FBXO4: variants seen among roughly 807,000 people sequenced by gnomAD.
The protein encoded by FBXO4 is F-box protein 4.
A neutral mutation model predicts 43.7 loss-of-function variants in FBXO4; 36 were observed. The ratio of observed to expected loss-of-function variants is 0.82; its 90% CI spans 0.63 to 1.09. The LOEUF (loss-of-function observed/expected upper bound fraction) is 1.09. Among genes scored for constraint, FBXO4 ranks in the 50% least tolerant of loss-of-function variants. The probability of loss-of-function intolerance (pLI) is 0.00; values close to 1 mark genes in which losing one functional copy is unlikely to be tolerated. For synonymous variants in FBXO4, 180 were observed against 165.6 expected, an observed-to-expected ratio of 1.09 and a Z score of -0.67; for missense variants, 435 against 474.1, an observed-to-expected ratio of 0.92 and a Z score of 0.77.
At chr5:42,018,539 A>G in the FBXO4 span, among the ~76,000 whole-genome samples, 12 of 152,250 alleles carry the variant, frequency 7.9e-5, 1 homozygote, top group Admixed American at 7.2e-4. Context: ...GATGCCAAAA[A>G]ATTGCTTATT....
chr5:41,925,806 CT>C (rs1233299238), intron 1 of FBXO4, among the ~76,000 whole-genome samples: 2 of 152,162 alleles, frequency 1.3e-5, no homozygotes, highest in African/African-American at 4.8e-5. Context: ...CTAGGACACC[CT>C]GAATGTCCGG....
intron 1 of FBXO4, among the ~76,000 whole-genome samples, chr5:41,926,295 C>T (rs374069371): frequency 2.6e-5 from 4 of 152,148 alleles, no homozygotes; most frequent in Admixed American, 1.3e-4. Context: ...AATTTACGGC[C>T]GGGCGCGGTG....
At chr5:42,013,488 G>A in the FBXO4 span, among the ~76,000 whole-genome samples, 3 of 152,156 alleles carry the variant, frequency 2.0e-5, no homozygotes, top group Non-Finnish European at 4.4e-5. Context: ...CCACTCAGGA[G>A]AAAACCTGGA....
At chr5:42,031,769 G>A in the FBXO4 span, among the ~76,000 whole-genome samples, 2 of 151,980 alleles carry the variant, frequency 1.3e-5, no homozygotes, top group African/African-American at 4.8e-5. Flanking sequence ...TGGCATTGAA[G>A]AGGTAGATAT....
chr5:42,019,119 C>T, the FBXO4 span, among the ~76,000 whole-genome samples: 17 of 151,816 alleles, frequency 1.1e-4, no homozygotes, highest in Non-Finnish European at 2.5e-4. Flanking sequence ...GTTTAATAAC[C>T]TAAGTATATT....
the FBXO4 span, among the ~76,000 whole-genome samples, chr5:42,010,527 T>G: frequency 6.6e-6 from 1 of 152,066 alleles, no homozygotes; most frequent in East Asian, 1.9e-4. Context: ...AAAAAAGAAT[T>G]TACTTCTTTT....
the FBXO4 span, among the ~76,000 whole-genome samples, chr5:42,040,170 C>A: frequency 6.6e-6 from 1 of 152,020 alleles, no homozygotes. Context: ...AAGATGTATC[C>A]CATCTACCCT....
intron 5 of FBXO4, among the ~76,000 whole-genome samples, chr5:41,936,629 T>C (rs1171233779): frequency 6.6e-6 from 1 of 152,034 alleles, no homozygotes; most frequent in African/African-American, 2.4e-5. Context: ...AAGGAAGCTG[T>C]TTTGAAAAAG....
the FBXO4 span, among the ~76,000 whole-genome samples, chr5:41,991,883 A>G: frequency 1.3e-5 from 2 of 152,202 alleles, no homozygotes; most frequent in Non-Finnish European, 2.9e-5. Context: ...TTTCGAGACC[A>G]GACTGACCAA....
chr5:41,938,187 C>T (rs1265458234), intron 5 of FBXO4, among the ~76,000 whole-genome samples: 1 of 151,942 alleles, frequency 6.6e-6, no homozygotes, highest in Non-Finnish European at 1.5e-5. Flanking sequence ...ACATGTATGA[C>T]ATTTTAAAGA....
the FBXO4 span, among the ~76,000 whole-genome samples, chr5:42,028,315 G>C: frequency 1.3e-5 from 2 of 151,740 alleles, no homozygotes; most frequent in Non-Finnish European, 3.0e-5. Context: ...CTTGAAATCT[G>C]TTTTGTCTGA....
At chr5:41,981,726 G>GT in the FBXO4 span, among the ~76,000 whole-genome samples, 1,615 of 134,330 alleles carry the variant, frequency 0.012, 8 homozygotes, top group Non-Finnish European at 0.014. Flanking sequence ...TTGGTTTTTG[G>GT]TTTTTTTTTT....
At chr5:41,983,001 G>T in the FBXO4 span, among the ~76,000 whole-genome samples, 1 of 152,104 alleles carries the variant, frequency 6.6e-6, no homozygotes, top group South Asian at 2.1e-4. Flanking sequence ...AGTTTGCTGA[G>T]AATGATGGTT....
At chr5:42,030,697 C>T in the FBXO4 span, among the ~76,000 whole-genome samples, 2 of 151,540 alleles carry the variant, frequency 1.3e-5, no homozygotes, top group African/African-American at 4.8e-5. Context: ...AAAATTTTCG[C>T]AACCTACTCA....
At chr5:42,030,097 A>G in the FBXO4 span, among the ~76,000 whole-genome samples, 1 of 152,090 alleles carries the variant, frequency 6.6e-6, no homozygotes. Context: ...ACAGAATTGG[A>G]AAAAAATACT....
At chr5:42,003,071 T>G in the FBXO4 span, among the ~76,000 whole-genome samples, 1 of 152,208 alleles carries the variant, frequency 6.6e-6, no homozygotes, top group Admixed American at 6.6e-5. Flanking sequence ...TTTTCATAAG[T>G]TATGTATTTA....
chr5:42,008,139 T>C, the FBXO4 span, among the ~76,000 whole-genome samples: 3 of 152,158 alleles, frequency 2.0e-5, no homozygotes, highest in Admixed American at 1.3e-4. Flanking sequence ...CTGGGTAACA[T>C]GCCAATAATA....
At chr5:42,036,254 G>A in the FBXO4 span, among the ~76,000 whole-genome samples, 1 of 151,718 alleles carries the variant, frequency 6.6e-6, no homozygotes, top group East Asian at 1.9e-4. Flanking sequence ...TTTAGTGGAT[G>A]GGTATGTGAG....
chr5:41,945,784 C>T (rs529176576), downstream of FBXO4, among the ~76,000 whole-genome samples: 2 of 152,302 alleles, frequency 1.3e-5, no homozygotes, highest in African/African-American at 4.8e-5. Flanking sequence ...ATACTCCCTT[C>T]TGAAAATTTC....
Sources: gnomAD v4.1 joint callset for allele counts (sites outside exome capture counted in the v4.1 genomes callset) on GRCh38, gnomAD v4.1.1 for gene constraint, MANE v1.5 for transcripts, NCBI Gene and HGNC (gene_info 2026-07-23, HGNC 2026-07-21) for gene names.